LAMA2: variants seen among roughly 807,000 people sequenced by gnomAD.
LAMA2 encodes laminin subunit alpha-2.
LAMA2 carries 269 observed loss-of-function variants against 364.8 expected under a neutral mutation model. That is an observed-to-expected ratio of 0.74 (90% CI 0.67 to 0.82). The LOEUF is 0.82. Ranked by LOEUF, LAMA2 falls within the 40% of genes least tolerant of loss-of-function variation. LAMA2 has a pLI of 0.00. For synonymous variants in LAMA2, 1,379 were observed against 1,370.6 expected, an observed-to-expected ratio of 1.01 and a Z score of -0.14; for missense variants, 3,807 against 3,873.2, an observed-to-expected ratio of 0.98 and a Z score of 0.45.
intron 12 of LAMA2, among the ~76,000 whole-genome samples, chr6:129,218,813 A>T (rs542646836): frequency 6.6e-6 from 1 of 152,260 alleles, no homozygotes; most frequent in African/African-American, 2.4e-5. Context: ...TAATGTTTTC[A>T]TTTGCAGATG....
At chr6:129,047,717 CTATT>C (rs1307944507) in intron 1 of LAMA2, among the ~76,000 whole-genome samples, 1 of 152,088 alleles carries the variant, frequency 6.6e-6, no homozygotes, top group Non-Finnish European at 1.5e-5. Flanking sequence ...AAGATTTAAA[CTATT>C]TATAATTGCA....
intron 1 of LAMA2, among the ~76,000 whole-genome samples, chr6:128,979,252 A>T (rs946224287): frequency 6.6e-6 from 1 of 152,212 alleles, no homozygotes; most frequent in Non-Finnish European, 1.5e-5. Context: ...CCATGACAGT[A>T]TCTGGCATAT....
chr6:129,213,533 G>A (rs1783233693), intron 12 of LAMA2, among the ~76,000 whole-genome samples: 1 of 152,114 alleles, frequency 6.6e-6, no homozygotes, highest in Non-Finnish European at 1.5e-5. Context: ...ATTCTCACCA[G>A]CATTTCATAT....
intron 3 of LAMA2, among the ~76,000 whole-genome samples, chr6:129,088,507 T>C (rs9492229): frequency 0.94 from 141,248 of 150,748 alleles, 66,325 homozygotes; most frequent in East Asian, 0.97. Flanking sequence ...CCAGACGGGG[T>C]GGCTGGCCAG....
Position 129,453,024 on chromosome 6 carries a change from C to A in LAMA2, c.6466C>A (p.Arg2156=). ...TGTGTCTTCAGGAGGTGACTGCATTCGAACATACAAACCAGAAATCAAGAA... is the reference window on the plus strand; with the variant it reads ...TGTGTCTTCAGGAGGTGACTGCATTAGAACATACAAACCAGAAATCAAGAA... ...VSVSSGGDCI[R]TYKPEIKKGS... The change falls in exon 46 of 65, where the codon CGA becomes AGA. Residue 2156 remains arginine (R), a synonymous_variant. Transcript: ENST00000421865. 6.2e-7 allele frequency: 1 copy of A among 1,612,468 alleles called. No individual in the cohort carries two copies. Among genetic ancestry groups the A allele is most frequent in the Non-Finnish European group, 8.5e-7 (1 of 1,179,042 alleles).
chr6:129,176,253 T>C (rs1780581002), intron 9 of LAMA2, among the ~76,000 whole-genome samples: 1 of 152,020 alleles, frequency 6.6e-6, no homozygotes, highest in African/African-American at 2.4e-5. Flanking sequence ...CATAAAATTC[T>C]CTCATCATGT....
At chr6:129,489,619 G>A (rs1345121683) in intron 56 of LAMA2, among the ~76,000 whole-genome samples, 2 of 152,180 alleles carry the variant, frequency 1.3e-5, no homozygotes, top group Admixed American at 6.5e-5. Flanking sequence ...TAGGCTAAAG[G>A]TCAGGAAGTA....
At chr6:129,076,221 A>C (rs962098419) in intron 3 of LAMA2, among the ~76,000 whole-genome samples, 6 of 151,834 alleles carry the variant, frequency 4.0e-5, no homozygotes, top group African/African-American at 1.4e-4. Context: ...TTTAGAAAGC[A>C]GGTATAGAGA....
rs776281729 is a variant in LAMA2, at chr6:128,916,026, T to C, written c.112+32669T>C. On this transcript the variant is annotated intron_variant, in intron 1 of 64. Transcript: ENST00000421865. ...TGAAATTCAAATATTTAATTGCATG[T>C]GTACCTAATGCCTAATTATTTACAT... Among the ~76,000 whole-genome samples the C allele has an allele frequency of 8.1e-4, 124 of 152,230 alleles. 2 individuals carry two copies. The highest frequency in any genetic ancestry group is 5.4e-3 in the Admixed American group (82 of 15,278).
At chr6:129,168,884 C>T (rs1162865267) in intron 9 of LAMA2, among the ~76,000 whole-genome samples, 1 of 147,218 alleles carries the variant, frequency 6.8e-6, no homozygotes, top group African/African-American at 2.5e-5. Flanking sequence ...CCTTCACATC[C>T]CTTGTAAGTT....
chr6:129,338,632 A>G (rs1317535379), intron 29 of LAMA2, among the ~76,000 whole-genome samples: 1 of 152,158 alleles, frequency 6.6e-6, no homozygotes, highest in Non-Finnish European at 1.5e-5. Context: ...AGTTTCATCT[A>G]TACTTCCTGG....
At chr6:129,210,823 T>G (rs1237668975) in intron 12 of LAMA2, among the ~76,000 whole-genome samples, 1 of 152,140 alleles carries the variant, frequency 6.6e-6, no homozygotes, top group African/African-American at 2.4e-5. Flanking sequence ...GGTTACAGTA[T>G]GAGACAGATG....
intron 1 of LAMA2, among the ~76,000 whole-genome samples, chr6:128,982,637 A>T (rs561620876): frequency 1.3e-5 from 2 of 151,784 alleles, no homozygotes; most frequent in South Asian, 4.2e-4. Flanking sequence ...TTTAAGTTTT[A>T]GGGTACATGT....
intron 23 of LAMA2, 132 bp from the exon 24 acceptor site, chr6:129,314,523 G>A: frequency 1.3e-6 from 1 of 764,956 alleles, no homozygotes. Context: ...TGAGATGTGA[G>A]TCTAATACTC....
At chr6:129,304,935 T>A (rs1773773857) in intron 22 of LAMA2, among the ~76,000 whole-genome samples, 2 of 152,208 alleles carry the variant, frequency 1.3e-5, no homozygotes, top group Admixed American at 6.5e-5. Context: ...GAAAATAATG[T>A]GTATTCTGGA....
chr6:129,119,325 C>T (rs1776664973), intron 4 of LAMA2, among the ~76,000 whole-genome samples: 1 of 151,764 alleles, frequency 6.6e-6, no homozygotes, highest in South Asian at 2.1e-4. Context: ...CATAGTATTC[C>T]ACTGAAATGT....
chr6:128,980,067 C>A (rs971607982), intron 1 of LAMA2, among the ~76,000 whole-genome samples: 1 of 152,182 alleles, frequency 6.6e-6, no homozygotes, highest in Non-Finnish European at 1.5e-5. Flanking sequence ...ACAGGTTCAT[C>A]ATAGTCAGCA....
intron 29 of LAMA2, among the ~76,000 whole-genome samples, chr6:129,330,372 C>T (rs961235148): frequency 3.3e-5 from 5 of 151,714 alleles, no homozygotes; most frequent in Admixed American, 6.6e-5. Flanking sequence ...CCTCTATGTG[C>T]CCCCTCTCCA....
At chr6:129,421,584 C>G (rs968169161) in intron 40 of LAMA2, among the ~76,000 whole-genome samples, 11 of 152,066 alleles carry the variant, frequency 7.2e-5, no homozygotes, top group Admixed American at 3.3e-4. Context: ...CAATAACTTA[C>G]CAAGCAATGC....
Sources: gnomAD v4.1 joint callset for allele counts (sites outside exome capture counted in the v4.1 genomes callset) on GRCh38, gnomAD v4.1.1 for gene constraint, MANE v1.5 for transcripts, NCBI Gene and HGNC (gene_info 2026-07-23, HGNC 2026-07-21) for gene names.